SCRIB: variants seen among roughly 807,000 people sequenced by gnomAD.
SCRIB encodes protein scribble homolog.
SCRIB carries 72 observed loss-of-function variants against 170.0 expected under a neutral mutation model. The observed-to-expected ratio is 0.42, with a 90% CI of 0.35 to 0.52. SCRIB has a LOEUF of 0.52. SCRIB is among the 20% of genes least tolerant of loss of function. The pLI is 0.02. For missense variants in SCRIB, 2,475 were observed against 2,338.5 expected, an observed-to-expected ratio of 1.06 and a Z score of -1.20; for synonymous variants, 1,298 against 1,044.3, an observed-to-expected ratio of 1.24 and a Z score of -4.68.
Position 143,792,852 on chromosome 8 carries a change from G to A in SCRIB, c.4033C>T (p.Pro1345Ser). ...GACAGCTGCTCCGGGGAGGCTGCAG[G>A]CCCAGGCGTGGGGGGCTGGGGGGAG... ...DAPAQPPTPG[P>S]AASPEQLSFR... Residue 1345 changes from proline to serine, a missense_variant, in exon 30 of 37, where the codon CCT becomes TCT. Physicochemically the swap from Pro to Ser is moderately conservative, Grantham distance 74. Coordinates refer to ENST00000356994, the MANE Select transcript of SCRIB (RefSeq NM_182706.5). 1 of 1,525,040 alleles carries A rather than the reference G, an allele frequency of 6.6e-7. No individual in the cohort carries two copies. Among genetic ancestry groups the A allele is most frequent in the Non-Finnish European group, 8.8e-7 (1 of 1,139,478 alleles). The allele number at this position is 1,525,040 out of a possible 1,614,324, so 94.5% of individuals were successfully genotyped here. A position where few individuals can be genotyped will look rare whatever the true frequency, so the allele number is the denominator to read the frequency against.
intron 24 of SCRIB, among the ~76,000 whole-genome samples, chr8:143,798,433 C>T (rs369027557): frequency 9.1e-4 from 135 of 148,138 alleles, no homozygotes; most frequent in African/African-American, 2.8e-3. Flanking sequence ...CGCCAGAACT[C>T]GGCCCCTCTC....
rs1183173342 is a variant in SCRIB, at chr8:143,796,541, GCAGA to G, written c.3604-1015_3604-1012del. On this transcript the variant is annotated intron_variant, in intron 24 of 36. Coordinates refer to ENST00000356994, the MANE Select transcript of SCRIB (RefSeq NM_182706.5). Reference sequence around the variant, plus strand: ...GTGTGAGTTCAGAGCTGTCGAGCAGGCAGACGGATGCCGTCACCACAGAAGATGC... The same window carrying G: ...GTGTGAGTTCAGAGCTGTCGAGCAGGCGGATGCCGTCACCACAGAAGATGC... Among the ~76,000 whole-genome samples the G allele has an allele frequency of 4.6e-5, 7 of 152,188 alleles. No homozygotes were observed. In the East Asian group the frequency reaches 1.3e-3, roughly 29 times the overall value.
At chr8:143,809,986 C>T (rs544063387) in intron 13 of SCRIB, among the ~76,000 whole-genome samples, 2 of 152,268 alleles carry the variant, frequency 1.3e-5, no homozygotes, top group Admixed American at 1.3e-4. Context: ...CACAAGTTCC[C>T]AGGAAAATCC....
chr8:143,810,663 C>A lies in SCRIB; in HGVS notation c.1404+23G>T, dbSNP rs146352008. Reference sequence around the variant, plus strand: ...GGGCAGGGGTCAGGCAGAGGTTCGCCCCCCAGATCCTCACCCTCATACCCG... The same window carrying A: ...GGGCAGGGGTCAGGCAGAGGTTCGCACCCCAGATCCTCACCCTCATACCCG... On this transcript the variant is annotated intron_variant, in intron 12 of 36. Transcript: ENST00000356994. The A allele has an allele frequency of 1.9e-4, 300 of 1,602,340 alleles. No homozygotes were observed. In the African/African-American group the frequency reaches 3.6e-3, roughly 19 times the overall value.
chr8:143,804,783 C>T lies in SCRIB; in HGVS notation c.2794G>A (p.Val932Ile), dbSNP rs1403510676. Reference sequence around the variant, plus strand: ...GGGGAGGCAGCGGTCAGCAGGGAGACGGCGTGGTCATGCCTGGCCTCAGTC... The same window carrying T: ...GGGGAGGCAGCGGTCAGCAGGGAGATGGCGTGGTCATGCCTGGCCTCAGTC... The part of the protein sequence containing the change: ...DVTEARHDHA[V>I]SLLTAASPTI... Residue 932 changes from valine to isoleucine, a missense_variant, in exon 21 of 37, where the codon GTC (valine) becomes ATC (isoleucine). By Grantham distance (29) the Val-to-Ile change is conservative (BLOSUM62 3). This residue lies in a region of SCRIB where 1,966 missense variants were observed against 1,742.9 expected (regional missense o/e 1.13). Transcript: ENST00000356994. 11 of 1,600,622 alleles carry T rather than the reference C, an allele frequency of 6.9e-6. No homozygotes were observed. Among genetic ancestry groups the T allele is most frequent in the African/African-American group, 4.0e-5 (3 of 74,668 alleles).
chr8:143,795,156 G>T (rs1554633830), intron 26 of SCRIB, 44 bp from the exon 27 acceptor site: 1 of 1,602,102 alleles, frequency 6.2e-7, no homozygotes, highest in Non-Finnish European at 8.5e-7. Context: ...TAGCTCCGTG[G>T]CAGCACCCGG....
Position 143,792,236 on chromosome 8 carries a change from G to T in SCRIB, c.4498C>A (p.Leu1500Met). Reference sequence around the variant, plus strand: ...GGGGCTCACCTGGCTGCCCTCCACAGCGCACGCTTCTCGGCCTCCAGGGCC... The same window carrying T: ...GGGGCTCACCTGGCTGCCCTCCACATCGCACGCTTCTCGGCCTCCAGGGCC... ...LRALEAEKRA[L>M]WRAARMKSLE... The change falls in exon 32 of 37, where the codon CTG becomes ATG. Residue 1500 changes from leucine (L) to methionine (M), a missense_variant. Physicochemically the swap from Leu to Met is conservative, Grantham distance 15. Around this residue, in one of 3 missense-constraint regions of SCRIB, gnomAD observed 1,966 missense variants for 1,742.9 expected, o/e 1.13. Transcript: ENST00000356994. The T allele has an allele frequency of 6.4e-7, 1 of 1,571,048 alleles. No individual in the cohort carries two copies. Among genetic ancestry groups the T allele is most frequent in the Non-Finnish European group, 8.6e-7 (1 of 1,165,548 alleles).
intron 22 of SCRIB, 42 bp from the exon 23 acceptor site, chr8:143,803,982 T>C (rs782084250): frequency 7.0e-6 from 11 of 1,571,818 alleles, no homozygotes; most frequent in Non-Finnish European, 9.5e-6. Flanking sequence ...GAGGCCGCGC[T>C]GACCTGCGCT....
At chr8:143,809,977 A>G (rs1463202185) in intron 13 of SCRIB, among the ~76,000 whole-genome samples, 2 of 152,096 alleles carry the variant, frequency 1.3e-5, no homozygotes, top group Non-Finnish European at 2.9e-5. Context: ...CAAGGACCAC[A>G]CAAGTTCCCA....
In SCRIB at chr8:143,804,995, A is replaced by T; in HGVS notation, c.2690T>A (p.Ile897Asn). Residue 897 changes from isoleucine (I) to asparagine (N), a missense_variant, in exon 20 of 37, where the codon ATT (isoleucine) becomes AAT (asparagine). Transcript: ENST00000356994. ...AGDAGIFVSRIAEGGAAHRAG... is the reference protein window; with the variant it reads ...AGDAGIFVSRNAEGGAAHRAG... ...GCGGTGAGCAGCACCGCCCTCGGCAATGCGGGAGACGAAGATGCCCTGCAG... is the reference window on the plus strand; with the variant it reads ...GCGGTGAGCAGCACCGCCCTCGGCATTGCGGGAGACGAAGATGCCCTGCAG... The T allele has an allele frequency of 6.3e-7, 1 of 1,586,614 alleles. No individual in the cohort carries two copies.
Position 143,804,757 on chromosome 8 carries a change from G to A in SCRIB, c.2820C>T (p.Pro940=), listed in dbSNP as rs140519341. 328 of 1,604,248 alleles carry A rather than the reference G, an allele frequency of 2.0e-4. No homozygotes were observed. The African/African-American group carries it at 3.6e-3, about 17-fold the overall frequency. Residue 940 remains proline (P), a synonymous_variant, in exon 21 of 37, where the codon CCC becomes CCT. Coordinates refer to ENST00000356994, the MANE Select transcript of SCRIB (RefSeq NM_182706.5). ...CCCGCTCCAACAGCAGGGCGATGGT[G>A]GGGGAGGCAGCGGTCAGCAGGGAGA... The part of the protein sequence containing the change: ...HAVSLLTAAS[P]TIALLLEREA...
At chr8:143,802,506 G>A (rs781795435) in intron 24 of SCRIB, among the ~76,000 whole-genome samples, 1 of 152,256 alleles carries the variant, frequency 6.6e-6, no homozygotes, top group African/African-American at 2.4e-5. Flanking sequence ...CCCTCTGGGA[G>A]GAGCAGATGG....
At position 143,810,734 on chromosome 8, in the gene SCRIB, C is replaced by A; in HGVS notation, c.1356G>T (p.Glu452Asp). The part of the protein sequence containing the change: ...PSRVSVIQFL[E>D]APIGDEDAEE... ...CAGCGTCCTCATCACCTATGGGGGC[C>A]TCCAGGAACTGGATGACGCTGACGC... The change falls in exon 12 of 37, where the codon GAG becomes GAT. Residue 452 changes from glutamate to aspartate, a missense_variant. Physicochemically the swap from Glu to Asp is conservative, Grantham distance 45 (BLOSUM62 2). Coordinates refer to ENST00000356994, the MANE Select transcript of SCRIB (RefSeq NM_182706.5). 6.2e-7 allele frequency: 1 copy of A among 1,609,260 alleles called. No homozygotes were observed. The highest frequency in any genetic ancestry group is 8.5e-7 in the Non-Finnish European group (1 of 1,177,912).
intron 28 of SCRIB, 79 bp downstream of exon 28, chr8:143,793,821 G>A: frequency 7.0e-7 from 1 of 1,420,364 alleles, no homozygotes; most frequent in Admixed American, 1.7e-5. Context: ...CATCCCTGGA[G>A]GAGGGGCCCT....
Position 143,791,061 on chromosome 8 carries a change from G to A in SCRIB, c.*102C>T. On this transcript the variant is annotated 3_prime_UTR_variant, in exon 37 of 37. Transcript: ENST00000356994. ...AGTCACAGGCCAGAACTCCTGTGGG[G>A]TCTCTTTAAAATGCTAACACCCAGG... 2 of 1,245,998 alleles carry A rather than the reference G, an allele frequency of 1.6e-6. No homozygotes were observed. Among genetic ancestry groups the A allele is most frequent in the Non-Finnish European group, 2.1e-6 (2 of 973,846 alleles). 77.2% of individuals were successfully genotyped at this position (1,245,998 alleles called of 1,614,324 possible).
At position 143,812,256 on chromosome 8, in the gene SCRIB, C is replaced by T; in HGVS notation, c.906+10G>A. 1.3e-6 allele frequency: 2 copies of T among 1,571,056 alleles called. No homozygotes were observed. The highest frequency in any genetic ancestry group is 8.8e-7 in the Non-Finnish European group (1 of 1,140,918). On this transcript the variant is annotated intron_variant, in intron 9 of 36. Coordinates refer to ENST00000356994, the MANE Select transcript of SCRIB (RefSeq NM_182706.5). Reference sequence around the variant, plus strand: ...GCCCCATCCTTTCTGCCTCCCAAGCCAGACCCTACCATCAGCAGGTTCTCC... The same window carrying T: ...GCCCCATCCTTTCTGCCTCCCAAGCTAGACCCTACCATCAGCAGGTTCTCC...
chr8:143,804,453 G>A, intron 21 of SCRIB, 115 bp downstream of exon 21: 1 of 1,135,802 alleles, frequency 8.8e-7, no homozygotes, highest in Non-Finnish European at 1.2e-6. Flanking sequence ...GAAAGGGCGA[G>A]CAGGCCGGCT....
chr8:143,803,366 G>T lies in SCRIB; in HGVS notation c.3603+17C>A. Reference sequence around the variant, plus strand: ...TGGGCCAGAGGGAGGCCCGGTCCCCGGGGCGGGATCGCTAACCTCCAGGGC... The same window carrying T: ...TGGGCCAGAGGGAGGCCCGGTCCCCTGGGCGGGATCGCTAACCTCCAGGGC... On this transcript the variant is annotated intron_variant, in intron 24 of 36. Coordinates refer to ENST00000356994, the MANE Select transcript of SCRIB (RefSeq NM_182706.5). The T allele has an allele frequency of 6.5e-7, 1 of 1,543,376 alleles. No individual in the cohort carries two copies.
Position 143,809,639 on chromosome 8 carries a change from T to C in SCRIB, c.1610A>G (p.Glu537Gly). ...ACCCTGTGCCTCAGCCGACGGGCCCTCGGGCTCAGCCTCAGAGACTGTGCT... is the reference window on the plus strand; with the variant it reads ...ACCCTGTGCCTCAGCCGACGGGCCCCCGGGCTCAGCCTCAGAGACTGTGCT... ...SASTVSEAEP[E>G]GPSAEAQGGS... is the part of the protein sequence containing the mutation. Residue 537 changes from glutamate (E) to glycine (G), a missense_variant, in exon 14 of 37, where the codon GAG becomes GGG. By Grantham distance (98) the Glu-to-Gly change is moderately conservative. Coordinates refer to ENST00000356994, the MANE Select transcript of SCRIB (RefSeq NM_182706.5). 1.9e-6 allele frequency: 3 copies of C among 1,611,156 alleles called. No homozygotes were observed. Among genetic ancestry groups the C allele is most frequent in the Non-Finnish European group, 2.5e-6 (3 of 1,179,928 alleles).
Sources: gnomAD v4.1 joint callset for allele counts (sites outside exome capture counted in the v4.1 genomes callset) on GRCh38, gnomAD v4.1.1 for gene constraint, gnomAD v4.1.1 regional missense constraint, MANE v1.5 for transcripts, NCBI Gene and HGNC (gene_info 2026-07-23, HGNC 2026-07-21) for gene names.